Variants in GPBP1 observed in about 807,000 individuals in gnomAD.
The protein encoded by GPBP1 is GC-rich promoter binding protein 1.
A neutral mutation model predicts 56.5 loss-of-function variants in GPBP1; 13 were observed. The ratio of observed to expected loss-of-function variants is 0.23; its 90% CI spans 0.15 to 0.37. The LOEUF is 0.37. GPBP1 is among the 10% of genes least tolerant of loss of function. The pLI, the probability that GPBP1 is intolerant of heterozygous loss-of-function variation, is 1.00. For synonymous variants in GPBP1, 204 were observed against 188.9 expected, an observed-to-expected ratio of 1.08 and a Z score of -0.66; for missense variants, 477 against 572.3, an observed-to-expected ratio of 0.83 and a Z score of 1.70.
At chr5:57,233,628 A>G (rs1176714904) in intron 5 of GPBP1, among the ~76,000 whole-genome samples, 1 of 152,204 alleles carries the variant, frequency 6.6e-6, no homozygotes, top group Non-Finnish European at 1.5e-5. Flanking sequence ...AAGAGGAAAT[A>G]TATTTACTAT....
intron 3 of GPBP1, among the ~76,000 whole-genome samples, chr5:57,219,265 A>G (rs937691308): frequency 4.7e-5 from 7 of 150,456 alleles, no homozygotes; most frequent in African/African-American, 1.5e-4. Flanking sequence ...GGTCCCAGCT[A>G]CTCGGGAGGC....
chr5:57,237,848 A>T lies in GPBP1; in HGVS notation c.478+1816A>T, dbSNP rs1230086293. Among the ~76,000 whole-genome samples, 4 of 144,960 alleles carry T rather than the reference A, an allele frequency of 2.8e-5. No individual in the cohort carries two copies. In the Admixed American group the frequency reaches 3.1e-4, roughly 11 times the overall value. Reference sequence around the variant, plus strand: ...ACTAACGAAAATATAATATTTATTAAAAAAAAAAAGCAATTTGTCCCTGAA... The same window carrying T: ...ACTAACGAAAATATAATATTTATTATAAAAAAAAAGCAATTTGTCCCTGAA... On this transcript the variant is annotated intron_variant, in intron 6 of 11. Coordinates refer to ENST00000506184, the MANE Select transcript of GPBP1 (RefSeq NM_022913.4).
intron 6 of GPBP1, 50 bp downstream of exon 6, chr5:57,236,082 T>C (rs765540797): frequency 8.4e-7 from 1 of 1,192,558 alleles, no homozygotes; most frequent in Admixed American, 1.9e-5. Flanking sequence ...TTGATATTTA[T>C]AGGTTTCACT....
In GPBP1 at chr5:57,249,448, A is replaced by C; in HGVS notation, c.844A>C (p.Asn282His). ...TTCCTCTTCTCCTGTTGACAAACTT[A>C]ATCAGCAGCCTCGTCTAACCAAACT... ...SNSSSPVDKL[N>H]QQPRLTKLTR... The change falls in exon 9 of 12, where the codon AAT (asparagine) becomes CAT (histidine). Residue 282 changes from asparagine (N) to histidine (H), a missense_variant. By Grantham distance (68) the Asn-to-His change is moderately conservative (BLOSUM62 1). Coordinates refer to ENST00000506184, the MANE Select transcript of GPBP1 (RefSeq NM_022913.4). 4.4e-6 allele frequency: 7 copies of C among 1,608,146 alleles called. No individual in the cohort carries two copies. Among genetic ancestry groups the C allele is most frequent in the Non-Finnish European group, 5.9e-6 (7 of 1,178,074 alleles).
At chr5:57,239,780 C>T (rs773274559) in intron 6 of GPBP1, among the ~76,000 whole-genome samples, 10 of 152,096 alleles carry the variant, frequency 6.6e-5, no homozygotes, top group Non-Finnish European at 1.3e-4. Context: ...ACTCCATCTC[C>T]GAACAAACAT....
At chr5:57,225,502 A>AAC (rs1554069008) in intron 3 of GPBP1, among the ~76,000 whole-genome samples, 1 of 136,812 alleles carries the variant, frequency 7.3e-6, no homozygotes, top group African/African-American at 2.9e-5. Context: ...AAAAAAAAAA[A>AAC]AAAAAAAAAC....
chr5:57,178,328 A>G (rs894677836), intron 2 of GPBP1, among the ~76,000 whole-genome samples: 2 of 151,928 alleles, frequency 1.3e-5, no homozygotes, highest in Non-Finnish European at 2.9e-5. Context: ...GCTCACTGCA[A>G]CCTCCGCCTC....
Position 57,251,015 on chromosome 5 carries a change from G to A in GPBP1, c.1034G>A (p.Arg345Gln). The A allele has an allele frequency of 1.2e-6, 2 of 1,610,644 alleles. No individual in the cohort carries two copies. The highest frequency in any genetic ancestry group is 1.7e-6 in the Non-Finnish European group (2 of 1,179,028). ...ACTCACCAAGAAAGGGATATAAACC[G>A]AAACTTCGATGAAAATGAAATTCCT... ...NSTHQERDIN[R>Q]NFDENEIPQE... Residue 345 changes from arginine to glutamine, a missense_variant, in exon 10 of 12, where the codon CGA becomes CAA. Around this residue, in one of 2 missense-constraint regions of GPBP1, gnomAD observed 414 missense variants for 458.2 expected, o/e 0.90. Coordinates refer to ENST00000506184, the MANE Select transcript of GPBP1 (RefSeq NM_022913.4).
rs749354873 is a variant in GPBP1, at chr5:57,264,355, C to G, written c.*1603C>G. On this transcript the variant is annotated 3_prime_UTR_variant, in exon 12 of 12. Coordinates refer to ENST00000506184, the MANE Select transcript of GPBP1 (RefSeq NM_022913.4). ...CATGCTTTGACGAAGCTATCGGTAA[C>G]ACATATTGAATGTCTTTGAGACTCT... 6 of 152,248 alleles carry G rather than the reference C, an allele frequency of 3.9e-5. No homozygotes were observed. In the East Asian group the frequency reaches 1.2e-3, roughly 29 times the overall value. The allele number at this position is 152,248 out of a possible 1,614,324, so 9.4% of individuals were successfully genotyped here.
chr5:57,207,101 C>T (rs1404971578), intron 2 of GPBP1, among the ~76,000 whole-genome samples: 1 of 152,062 alleles, frequency 6.6e-6, no homozygotes, highest in African/African-American at 2.4e-5. Flanking sequence ...GAGACTTTGT[C>T]TCGAAAAATA....
chr5:57,181,225 C>T (rs1272210927), intron 2 of GPBP1, among the ~76,000 whole-genome samples: 1 of 152,024 alleles, frequency 6.6e-6, no homozygotes, highest in African/African-American at 2.4e-5. Flanking sequence ...GTCCTAGCTA[C>T]TTGGAAGGCT....
chr5:57,231,327 T>G lies in GPBP1; in HGVS notation c.411+6T>G. ...AGTTTGAAGCTGAGGATTTTGTAAG[T>G]TTTTTATGACTTTTATACAAATGAA... On this transcript the variant is annotated splice_donor_region_variant and intron_variant, in intron 5 of 11. Coordinates refer to ENST00000506184, the MANE Select transcript of GPBP1 (RefSeq NM_022913.4). The G allele has an allele frequency of 2.1e-5, 33 of 1,603,682 alleles. No individual in the cohort carries two copies. Among genetic ancestry groups the G allele is most frequent in the Non-Finnish European group, 2.8e-5 (33 of 1,173,336 alleles).
chr5:57,253,931 C>CT (rs1376097939), intron 10 of GPBP1, among the ~76,000 whole-genome samples: 1 of 151,874 alleles, frequency 6.6e-6, no homozygotes, highest in Non-Finnish European at 1.5e-5. Context: ...GCTAGATCTT[C>CT]TTTCGTTCTT....
chr5:57,237,177 G>A, intron 6 of GPBP1: 1 of 1,538,522 alleles, frequency 6.5e-7, no homozygotes, highest in Non-Finnish European at 8.8e-7. Context: ...TCTTAGGTAT[G>A]TTTCCTTATT....
chr5:57,191,032 T>C (rs1193875587), intron 2 of GPBP1, among the ~76,000 whole-genome samples: 1 of 152,098 alleles, frequency 6.6e-6, no homozygotes, highest in Non-Finnish European at 1.5e-5. Flanking sequence ...CGCCTTGGCC[T>C]CCCCAAGTGC....
intron 4 of GPBP1, 42 bp downstream of exon 4, chr5:57,231,011 T>C (rs768641167): frequency 2.5e-6 from 4 of 1,584,758 alleles, no homozygotes; most frequent in Non-Finnish European, 2.6e-6. Flanking sequence ...TAATTTTCTT[T>C]ATGATTTTTA....
rs1229422631 is a variant in GPBP1 at position 57,174,183 on chromosome 5, G to A, written c.-1039G>A. On this transcript the variant is annotated 5_prime_UTR_variant, in exon 1 of 12. Coordinates refer to ENST00000506184, the MANE Select transcript of GPBP1 (RefSeq NM_022913.4). ...GGGATCAGGCGCGGCGGCACCCCCA[G>A]GCCAGGGGCACCTCTGGTGGGGCAG... 1 of 153,122 alleles carries A rather than the reference G, an allele frequency of 6.5e-6. No homozygotes were observed. Among genetic ancestry groups the A allele is most frequent in the East Asian group, 1.9e-4 (1 of 5,196 alleles). 9.5% of individuals were successfully genotyped at this position (153,122 alleles called of 1,614,324 possible). A position where few individuals can be genotyped will look rare whatever the true frequency, so the allele number is the denominator to read the frequency against.
chr5:57,217,622 A>G (rs1213391941), intron 3 of GPBP1, among the ~76,000 whole-genome samples: 1 of 152,182 alleles, frequency 6.6e-6, no homozygotes, highest in Non-Finnish European at 1.5e-5. Context: ...GTGGTCAAAG[A>G]TCTACCTGTA....
At chr5:57,245,122 T>C (rs1385922431) in intron 6 of GPBP1, among the ~76,000 whole-genome samples, 4 of 152,210 alleles carry the variant, frequency 2.6e-5, no homozygotes, top group Non-Finnish European at 5.9e-5. Context: ...CTTTGTGTGT[T>C]TTTGTGTGCC....
Sources: gnomAD v4.1 joint callset for allele counts (sites outside exome capture counted in the v4.1 genomes callset) on GRCh38, gnomAD v4.1.1 for gene constraint, gnomAD v4.1.1 regional missense constraint, MANE v1.5 for transcripts, NCBI Gene and HGNC (gene_info 2026-07-23, HGNC 2026-07-21) for gene names.